VKORC1L1: variants seen among roughly 807,000 people sequenced by gnomAD.
VKORC1L1 encodes vitamin K epoxide reductase complex subunit 1-like protein 1.
In VKORC1L1, 2 loss-of-function variants were observed where a neutral mutation model predicts 18.9. The ratio of observed to expected loss-of-function variants is 0.11; its 90% CI spans 0.04 to 0.33. The LOEUF (loss-of-function observed/expected upper bound fraction) is 0.33, where lower values mean the gene tolerates loss of function less well. Among genes scored for constraint, VKORC1L1 ranks in the 10% least tolerant of loss-of-function variants. The pLI, the probability that VKORC1L1 is intolerant of heterozygous loss-of-function variation, is 1.00. For synonymous variants in VKORC1L1, 96 were observed against 100.0 expected, an observed-to-expected ratio of 0.96 and a Z score of 0.24; for missense variants, 123 against 224.1, an observed-to-expected ratio of 0.55 and a Z score of 2.88.
intron 1 of VKORC1L1, among the ~76,000 whole-genome samples, chr7:65,929,865 G>T (rs58062456): frequency 0.13 from 19,011 of 151,246 alleles, 1,346 homozygotes; most frequent in Middle Eastern, 0.2. Context: ...ATTGAGTGCA[G>T]AGATCAATCT....
intron 1 of VKORC1L1, among the ~76,000 whole-genome samples, chr7:65,884,010 A>G (rs963605357): frequency 3.3e-5 from 5 of 152,210 alleles, no homozygotes; most frequent in African/African-American, 4.8e-5. Flanking sequence ...TAGAAAATCT[A>G]TGACAAAATC....
Position 65,959,289 on chromosome 7 carries a change from A to G in VKORC1L1, c.*4989A>G, listed in dbSNP as rs893648302. On this transcript the variant is annotated 3_prime_UTR_variant, in exon 3 of 3. Coordinates refer to ENST00000360768, the MANE Select transcript of VKORC1L1 (RefSeq NM_173517.6). The stretch of plus-strand genomic sequence containing the variant: ...CACTGCACTGCAGCCTAGGCGACAG[A>G]GGAAGACTCCAGCTCAAGAAAAAAA... 2 of 152,228 alleles carry G rather than the reference A, an allele frequency of 1.3e-5. No individual in the cohort carries two copies. Among genetic ancestry groups the G allele is most frequent in the African/African-American group, 2.4e-5 (1 of 41,466 alleles). The allele number at this position is 152,228 out of a possible 1,614,324, so 9.4% of individuals were successfully genotyped here. A position where few individuals can be genotyped will look rare whatever the true frequency, so the allele number is the denominator to read the frequency against.
intron 1 of VKORC1L1, among the ~76,000 whole-genome samples, chr7:65,878,560 C>T (rs1788869277): frequency 6.6e-6 from 1 of 152,098 alleles, no homozygotes; most frequent in South Asian, 2.1e-4. Context: ...AGACTTGACA[C>T]CTGGCTTCCA....
chr7:65,870,043 G>A (rs1289396876), upstream of VKORC1L1, among the ~76,000 whole-genome samples: 1 of 151,666 alleles, frequency 6.6e-6, no homozygotes, highest in African/African-American at 2.4e-5. Flanking sequence ...TTTTTATTTG[G>A]GAAAAGATAT....
At chr7:65,899,803 C>T (rs1285075929) in intron 1 of VKORC1L1, among the ~76,000 whole-genome samples, 2 of 151,412 alleles carry the variant, frequency 1.3e-5, no homozygotes, top group South Asian at 4.2e-4. Context: ...AGTTTGAGAC[C>T]AGCCTGACCA....
rs775530294 is a variant in VKORC1L1 at position 65,954,190 on chromosome 7, A to G, written c.421A>G (p.Ile141Val). The G allele has an allele frequency of 5.6e-6, 9 of 1,613,984 alleles. No homozygotes were observed. In the Admixed American group the frequency reaches 6.7e-5, roughly 12 times the overall value. Residue 141 changes from isoleucine to valine, a missense_variant, in exon 3 of 3, where the codon ATC becomes GTC. This residue lies in a region of VKORC1L1 where 41 missense variants were observed against 61.6 expected (regional missense o/e 0.67). Transcript: ENST00000360768. Reference protein sequence around the residue: ...LYFVLKEFCIICIVTYVLNFL... With the variant: ...LYFVLKEFCIVCIVTYVLNFL... ...CTTTGTGCTGAAGGAGTTCTGCATC[A>G]TCTGCATCGTCACGTACGTGCTGAA...
rs1790253824 is a variant in VKORC1L1, at chr7:65,954,093, G to T, written c.324G>T (p.Val108=). The T allele has an allele frequency of 3.1e-6, 5 of 1,600,344 alleles. No homozygotes were observed. The highest frequency in any genetic ancestry group is 4.3e-6 in the Non-Finnish European group (5 of 1,168,668). The change falls in exon 3 of 3, where the codon GTG becomes GTT. Residue 108 remains valine (V), a synonymous_variant. Coordinates refer to ENST00000360768, the MANE Select transcript of VKORC1L1 (RefSeq NM_173517.6). ...QLLLGMTASA[V]AALILMTSSI... is the part of the protein sequence containing the mutation. ...TTACAGGCATGACAGCAAGCGCTGT[G>T]GCGGCTTTGATCCTCATGACGTCCT... is the stretch of plus-strand genomic sequence containing the variant.
intron 2 of VKORC1L1, among the ~76,000 whole-genome samples, chr7:65,950,182 T>C (rs1205169119): frequency 6.6e-6 from 1 of 152,216 alleles, no homozygotes; most frequent in Non-Finnish European, 1.5e-5. Context: ...TCTTTTTAAT[T>C]TCCTTTTATT....
chr7:65,892,004 C>CT (rs886871339), intron 1 of VKORC1L1, among the ~76,000 whole-genome samples: 1 of 152,000 alleles, frequency 6.6e-6, no homozygotes, highest in Non-Finnish European at 1.5e-5. Context: ...AATTTTTTTT[C>CT]TTTAACTCCC....
intron 1 of VKORC1L1, among the ~76,000 whole-genome samples, chr7:65,943,515 T>TGTACATGAGTACATGAGG (rs1328202626): frequency 1.2e-4 from 19 of 152,190 alleles, no homozygotes; most frequent in African/African-American, 4.6e-4. Flanking sequence ...CATGTACCCA[T>TGTACATGAGTACATGAGG]CTAAGCCTCA....
At chr7:65,886,027 C>G (rs1302845857) in intron 1 of VKORC1L1, among the ~76,000 whole-genome samples, 1 of 152,186 alleles carries the variant, frequency 6.6e-6, no homozygotes, top group Admixed American at 6.5e-5. Flanking sequence ...AGTTGCCTCT[C>G]TGATAATGGT....
intron 1 of VKORC1L1, among the ~76,000 whole-genome samples, chr7:65,885,813 TA>T (rs1252663010): frequency 4.6e-5 from 7 of 152,018 alleles, no homozygotes; most frequent in Non-Finnish European, 5.9e-5. Context: ...ATAGGGCAAA[TA>T]TGCTCATTTC....
At position 65,943,719 on chromosome 7, in the gene VKORC1L1, T is replaced by C. The variant is rs1291519998; in HGVS notation, c.195-4952T>C. Among the ~76,000 whole-genome samples, 7 of 152,072 alleles carry C rather than the reference T, an allele frequency of 4.6e-5. No individual in the cohort carries two copies. The South Asian group carries it at 1.0e-3, about 23-fold the overall frequency. Reference sequence around the variant, plus strand: ...CTAAGGCAGGAGAATCCCTTGAACCTGGGAGGTAGAGGTTGCAGTGAGTCG... The same window carrying C: ...CTAAGGCAGGAGAATCCCTTGAACCCGGGAGGTAGAGGTTGCAGTGAGTCG... On this transcript the variant is annotated intron_variant, in intron 1 of 2. Coordinates refer to ENST00000360768, the MANE Select transcript of VKORC1L1 (RefSeq NM_173517.6).
intron 1 of VKORC1L1, among the ~76,000 whole-genome samples, chr7:65,874,633 C>G (rs1415146805): frequency 6.6e-6 from 1 of 151,946 alleles, no homozygotes; most frequent in Admixed American, 6.6e-5. Flanking sequence ...TGGTGAAACC[C>G]CGTCTCTACC....
At chr7:65,872,992 C>T (rs1346078148), upstream of VKORC1L1, among the ~76,000 whole-genome samples, 1 of 107,722 alleles carries the variant, frequency 9.3e-6, no homozygotes, top group Non-Finnish European at 2.4e-5. Context: ...CCCGCCCATC[C>T]CCACCCCTGC....
chr7:65,907,149 G>A lies in VKORC1L1; in HGVS notation c.194+33584G>A, dbSNP rs1265888790. Among the ~76,000 whole-genome samples, 5 of 152,024 alleles carry A rather than the reference G, an allele frequency of 3.3e-5. No homozygotes were observed. The South Asian group carries it at 8.3e-4, about 25-fold the overall frequency. On this transcript the variant is annotated intron_variant, in intron 1 of 2. Transcript: ENST00000360768. ...AATCATTAAAACTTAAGTAAAAATG[G>A]AGGTTTTTGGCCAGGCTCGGTGGCT...
At chr7:65,900,519 A>G (rs980115615) in intron 1 of VKORC1L1, among the ~76,000 whole-genome samples, 8 of 152,068 alleles carry the variant, frequency 5.3e-5, no homozygotes, top group Admixed American at 3.9e-4. Context: ...AACTACATAC[A>G]TAGCTGGGCA....
At chr7:65,882,645 G>A (rs1409730696) in intron 1 of VKORC1L1, among the ~76,000 whole-genome samples, 2 of 151,570 alleles carry the variant, frequency 1.3e-5, no homozygotes, top group Non-Finnish European at 2.9e-5. Context: ...TTATTGATTA[G>A]TAAGACTGTA....
chr7:65,888,323 C>T (rs181737106), intron 1 of VKORC1L1, among the ~76,000 whole-genome samples: 213 of 152,192 alleles, frequency 1.4e-3, no homozygotes, highest in Non-Finnish European at 2.4e-3. Flanking sequence ...GACTTGGGCA[C>T]CAAACTCCAG....
Sources: gnomAD v4.1 joint callset for allele counts (sites outside exome capture counted in the v4.1 genomes callset) on GRCh38, gnomAD v4.1.1 for gene constraint, gnomAD v4.1.1 regional missense constraint, MANE v1.5 for transcripts, NCBI Gene and HGNC (gene_info 2026-07-23, HGNC 2026-07-21) for gene names.